Variants in PCCA observed in about 807,000 individuals in gnomAD.
The protein encoded by PCCA is propionyl-CoA carboxylase alpha chain, mitochondrial.
A neutral mutation model predicts 101.3 loss-of-function variants in PCCA; 74 were observed. That is an observed-to-expected ratio of 0.73 (90% CI 0.61 to 0.89). The LOEUF is 0.89. Among genes scored for constraint, PCCA ranks in the 40% least tolerant of loss-of-function variants. PCCA has a pLI of 0.00. For synonymous variants in PCCA, 294 were observed against 313.6 expected, an observed-to-expected ratio of 0.94 and a Z score of 0.66; for missense variants, 891 against 907.0, an observed-to-expected ratio of 0.98 and a Z score of 0.23.
chr13:100,523,633 T>C (rs2087483108), intron 22 of PCCA, among the ~76,000 whole-genome samples: 1 of 152,190 alleles, frequency 6.6e-6, no homozygotes, highest in East Asian at 1.9e-4. Flanking sequence ...TCCTGCTTAA[T>C]GAGTGCCGCT....
intron 4 of PCCA, 101 bp downstream of exon 4, chr13:100,112,162 T>C: frequency 1.2e-6 from 1 of 805,652 alleles, no homozygotes; most frequent in Non-Finnish European, 2.1e-6. Flanking sequence ...CAAGATACAT[T>C]CAAGTTTAAA....
intron 6 of PCCA, among the ~76,000 whole-genome samples, chr13:100,195,725 A>G (rs1480658431): frequency 6.6e-6 from 1 of 152,202 alleles, no homozygotes; most frequent in Non-Finnish European, 1.5e-5. Context: ...AGAAGACAAA[A>G]TACTTCATTT....
At chr13:100,207,413 G>A (rs1594734689) in intron 6 of PCCA, among the ~76,000 whole-genome samples, 1 of 151,768 alleles carries the variant, frequency 6.6e-6, no homozygotes, top group African/African-American at 2.4e-5. Context: ...ATGGAGTCTC[G>A]CTCTGTCGCC....
In PCCA at chr13:100,217,361, T is replaced by C. The variant is rs955913669; in HGVS notation, c.600+7898T>C. Among the ~76,000 whole-genome samples the C allele has an allele frequency of 2.7e-5, 4 of 150,410 alleles. No homozygotes were observed. In the South Asian group the frequency reaches 8.4e-4, roughly 32 times the overall value. On this transcript the variant is annotated intron_variant, in intron 7 of 23. Coordinates refer to ENST00000376285, the MANE Select transcript of PCCA (RefSeq NM_000282.4). ...TCGGGAGGCTGAGTAGGAGAATCGC[T>C]GGACCACAGGAGGTGGAGCTTGCAG...
At chr13:100,459,106 T>G (rs905570738) in intron 21 of PCCA, among the ~76,000 whole-genome samples, 1 of 152,050 alleles carries the variant, frequency 6.6e-6, no homozygotes, top group African/African-American at 2.4e-5. Context: ...AATTCCAGGG[T>G]CTTCTGCTGC....
At chr13:100,193,663 C>A (rs1163053873) in intron 6 of PCCA, among the ~76,000 whole-genome samples, 1 of 152,194 alleles carries the variant, frequency 6.6e-6, no homozygotes, top group East Asian at 1.9e-4. Context: ...CCATCTACTA[C>A]ATCTTATTGT....
chr13:100,310,076 G>T (rs537097239), intron 16 of PCCA, among the ~76,000 whole-genome samples, 168 bp downstream of exon 16: 7 of 152,122 alleles, frequency 4.6e-5, no homozygotes, highest in African/African-American at 1.7e-4. Context: ...AAGTATAGCC[G>T]TTTCCACTGT....
intron 21 of PCCA, among the ~76,000 whole-genome samples, chr13:100,488,243 G>A (rs1194809585): frequency 5.3e-5 from 8 of 152,052 alleles, no homozygotes; most frequent in South Asian, 2.1e-4. Context: ...ACAGGCATGC[G>A]CCACCATGCA....
intron 21 of PCCA, among the ~76,000 whole-genome samples, chr13:100,511,229 G>A (rs538900654): frequency 6.6e-6 from 1 of 152,272 alleles, no homozygotes; most frequent in African/African-American, 2.4e-5. Flanking sequence ...TGTTTTTAAA[G>A]ATGCATCATT....
At chr13:100,373,884 G>T (rs1344882809) in intron 19 of PCCA, among the ~76,000 whole-genome samples, 1 of 152,062 alleles carries the variant, frequency 6.6e-6, no homozygotes, top group Admixed American at 6.6e-5. Context: ...TGCTGAGGTG[G>T]GTGGATCACC....
chr13:100,242,476 A>G (rs985350590), intron 8 of PCCA, among the ~76,000 whole-genome samples: 1 of 152,226 alleles, frequency 6.6e-6, no homozygotes, highest in Non-Finnish European at 1.5e-5. Flanking sequence ...TAAGTAATGG[A>G]TGCAACATCT....
intron 20 of PCCA, among the ~76,000 whole-genome samples, chr13:100,429,593 T>C (rs2079395124): frequency 6.6e-6 from 1 of 152,032 alleles, no homozygotes; most frequent in Non-Finnish European, 1.5e-5. Flanking sequence ...AAACCTCATT[T>C]AATATAAAAT....
intron 19 of PCCA, among the ~76,000 whole-genome samples, chr13:100,378,576 G>T (rs878909647): frequency 6.6e-6 from 1 of 151,754 alleles, no homozygotes. Context: ...TTGATTTTTG[G>T]TTACTTTATT....
At chr13:100,131,071 A>G (rs7139771) in intron 4 of PCCA, among the ~76,000 whole-genome samples, 69,577 of 151,958 alleles carry the variant, frequency 0.46, 16,812 homozygotes, top group East Asian at 0.71. Flanking sequence ...TTTCTATAGA[A>G]AAAACTTGCA....
intron 19 of PCCA, among the ~76,000 whole-genome samples, chr13:100,371,280 G>C (rs1389466279): frequency 6.6e-6 from 1 of 152,132 alleles, no homozygotes; most frequent in African/African-American, 2.4e-5. Flanking sequence ...CACCATTTAT[G>C]TAAATTTTAG....
intron 21 of PCCA, chr13:100,466,159 C>G (rs556157513): frequency 5.9e-5 from 9 of 152,332 alleles, no homozygotes; most frequent in Non-Finnish European, 1.2e-4. Flanking sequence ...AGCTGCTGCT[C>G]TTCATTTTGT....
At chr13:100,462,890 C>A (rs79766634) in intron 21 of PCCA, among the ~76,000 whole-genome samples, 2,856 of 152,114 alleles carry the variant, frequency 0.019, 94 homozygotes, top group African/African-American at 0.065. Flanking sequence ...GAGGTGTATA[C>A]GAAGTAGAGG....
chr13:100,337,023 G>A (rs1472004515), intron 17 of PCCA, among the ~76,000 whole-genome samples: 2 of 152,110 alleles, frequency 1.3e-5, no homozygotes, highest in Non-Finnish European at 2.9e-5. Flanking sequence ...CGGGGTTGGG[G>A]GAGAGGGTAA....
In PCCA at chr13:100,394,149, C is replaced by T. The variant is rs1363545384; in HGVS notation, c.1746+25575C>T. 2.6e-5 allele frequency among the ~76,000 whole-genome samples: 4 copies of T among 152,204 alleles called. No homozygotes were observed. The highest frequency in any genetic ancestry group is 9.6e-5 in the African/African-American group (4 of 41,458). On this transcript the variant is annotated intron_variant, in intron 19 of 23. Transcript: ENST00000376285. This position sits in a 1 kb window ranked among gnomAD's most constrained non-coding sequence, Gnocchi z 4.3. Reference sequence around the variant, plus strand: ...ATGTGTGAGGCGGTTTGAGATGCAGCTTCTCAGATGGATTTAATTAGTCCT... The same window carrying T: ...ATGTGTGAGGCGGTTTGAGATGCAGTTTCTCAGATGGATTTAATTAGTCCT...
Sources: gnomAD v4.1 joint callset for allele counts (sites outside exome capture counted in the v4.1 genomes callset) on GRCh38, gnomAD v4.1.1 for gene constraint, Gnocchi (gnomAD v3.1) non-coding constraint, MANE v1.5 for transcripts, NCBI Gene and HGNC (gene_info 2026-07-23, HGNC 2026-07-21) for gene names.